Variants in ZNF385D observed in about 807,000 individuals in gnomAD.
The protein encoded by ZNF385D is zinc finger protein 385D.
In ZNF385D, 15 loss-of-function variants were observed where a neutral mutation model predicts 35.8. That is an observed-to-expected ratio of 0.42 (90% CI 0.28 to 0.64). ZNF385D has a LOEUF of 0.64. Ranked by LOEUF, ZNF385D falls within the 30% of genes least tolerant of loss-of-function variation. The probability of loss-of-function intolerance (pLI) is 0.23; values close to 1 mark genes in which losing one functional copy is unlikely to be tolerated. For missense variants in ZNF385D, 474 were observed against 494.6 expected (o/e 0.96, Z 0.39); for synonymous variants, 212 against 186.8 (o/e 1.13, Z -1.10).
intron 3 of ZNF385D, among the ~76,000 whole-genome samples, chr3:21,916,219 G>A (rs1168960045): frequency 2.0e-5 from 3 of 152,202 alleles, no homozygotes; most frequent in African/African-American, 7.2e-5. Flanking sequence ...AAAATAAAGA[G>A]AAAATTGGAA....
At chr3:21,431,415 A>G (rs1011477638) in intron 5 of ZNF385D, among the ~76,000 whole-genome samples, 2 of 152,154 alleles carry the variant, frequency 1.3e-5, no homozygotes, top group African/African-American at 4.8e-5. Context: ...CAGCTCTAGT[A>G]CCTAGAAACT....
intron 2 of ZNF385D, among the ~76,000 whole-genome samples, chr3:22,354,634 C>A (rs1003581379): frequency 8.6e-5 from 13 of 151,916 alleles, no homozygotes; most frequent in Non-Finnish European, 1.8e-4. Context: ...AATGGTATAA[C>A]AATATCCATC....
chr3:22,228,489 A>G (rs1225806654), intron 2 of ZNF385D, among the ~76,000 whole-genome samples: 2 of 152,042 alleles, frequency 1.3e-5, no homozygotes, highest in African/African-American at 4.8e-5. Flanking sequence ...ATAAGTGTCC[A>G]CTCTGCCACT....
rs77391013 is a variant in ZNF385D at position 22,167,484 on chromosome 3, C to T, written c.325+1333G>A. Among the ~76,000 whole-genome samples, 857 of 152,282 alleles carry T rather than the reference C, an allele frequency of 5.6e-3. 14 individuals are homozygous for T. Among genetic ancestry groups the T allele is most frequent in the African/African-American group, 0.019 (800 of 41,554 alleles). On this transcript the variant is annotated intron_variant, in intron 3 of 5. Coordinates refer to the ZNF385D transcript ENST00000494108. ...ATTATTCTCTACCCTTCTCACTCTT[C>T]GTTTGTCAGCATATCCTCATTCTTC...
intron 3 of ZNF385D, among the ~76,000 whole-genome samples, chr3:21,982,711 A>G (rs944607768): frequency 5.9e-5 from 9 of 152,030 alleles, no homozygotes; most frequent in African/African-American, 2.2e-4. Flanking sequence ...TATAACATTG[A>G]CTGTGGATTT....
At chr3:21,855,020 T>G (rs890646227) in intron 3 of ZNF385D, among the ~76,000 whole-genome samples, 12 of 151,876 alleles carry the variant, frequency 7.9e-5, no homozygotes, top group Non-Finnish European at 1.6e-4. Context: ...TACAACATGA[T>G]TTTTACCCAT....
At chr3:22,005,976 C>T (rs555848995) in intron 3 of ZNF385D, among the ~76,000 whole-genome samples, 11 of 151,650 alleles carry the variant, frequency 7.3e-5, no homozygotes, top group Admixed American at 2.6e-4. Flanking sequence ...TTCCCTCTTT[C>T]TCTCTCTCTC....
chr3:21,747,611 G>A (rs2069840554), intron 1 of ZNF385D, among the ~76,000 whole-genome samples: 1 of 152,208 alleles, frequency 6.6e-6, no homozygotes, highest in Non-Finnish European at 1.5e-5. Flanking sequence ...GAAATGGGGA[G>A]ACAATTCAAA....
intron 3 of ZNF385D, among the ~76,000 whole-genome samples, chr3:21,789,263 T>G (rs1047983002): frequency 6.6e-6 from 1 of 152,162 alleles, no homozygotes; most frequent in Non-Finnish European, 1.5e-5. Flanking sequence ...ATTTAGAAAT[T>G]TGAGATATAC....
chr3:21,592,765 C>G (rs1316494783), intron 2 of ZNF385D, among the ~76,000 whole-genome samples: 1 of 152,112 alleles, frequency 6.6e-6, no homozygotes, highest in Non-Finnish European at 1.5e-5. Flanking sequence ...AAAACCTATT[C>G]CATTTTCTTC....
chr3:21,590,299 T>C (rs2063934978), intron 2 of ZNF385D, among the ~76,000 whole-genome samples: 2 of 152,162 alleles, frequency 1.3e-5, no homozygotes, highest in Admixed American at 1.3e-4. Context: ...ACTTTTTTTA[T>C]TGTGATTACT....
chr3:21,523,332 A>G (rs1455712805), intron 3 of ZNF385D, among the ~76,000 whole-genome samples: 1 of 152,168 alleles, frequency 6.6e-6, no homozygotes, highest in Admixed American at 6.5e-5. Flanking sequence ...TTGTAGCCCC[A>G]CTTCTCAACC....
chr3:22,372,326 C>T (rs1696948299), intron 2 of ZNF385D: 1 of 492,370 alleles, frequency 2.0e-6, no homozygotes, highest in Non-Finnish European at 2.6e-6. Flanking sequence ...CATTCCGCGC[C>T]CCCCATGCGA....
At chr3:21,900,426 T>C (rs1171083476) in intron 3 of ZNF385D, among the ~76,000 whole-genome samples, 2 of 152,184 alleles carry the variant, frequency 1.3e-5, no homozygotes, top group African/African-American at 4.8e-5. Context: ...TATAATAATG[T>C]TGTTATTGAT....
At chr3:22,031,538 G>T (rs980826799) in intron 3 of ZNF385D, among the ~76,000 whole-genome samples, 7 of 152,150 alleles carry the variant, frequency 4.6e-5, no homozygotes, top group African/African-American at 1.7e-4. Context: ...GAGTTGGAGC[G>T]GCTGAGATGC....
chr3:21,975,378 G>C (rs760035134), intron 3 of ZNF385D, among the ~76,000 whole-genome samples: 1 of 152,124 alleles, frequency 6.6e-6, no homozygotes, highest in Non-Finnish European at 1.5e-5. Flanking sequence ...CATGGAGAGA[G>C]AGAGTAAAAT....
chr3:21,989,334 A>C (rs1695016658), intron 3 of ZNF385D, among the ~76,000 whole-genome samples: 1 of 152,080 alleles, frequency 6.6e-6, no homozygotes, highest in Admixed American at 6.6e-5. Context: ...GTCTCCTAGG[A>C]TGCATTTCTG....
At chr3:22,283,146 T>C (rs1434418786) in intron 2 of ZNF385D, among the ~76,000 whole-genome samples, 1 of 152,044 alleles carries the variant, frequency 6.6e-6, no homozygotes, top group Admixed American at 6.6e-5. Context: ...CAATCCTAAA[T>C]ATATATGCAC....
At chr3:22,372,332 T>A (rs1201405105) in intron 2 of ZNF385D, 1 of 580,882 alleles carries the variant, frequency 1.7e-6, no homozygotes, top group African/African-American at 2.0e-5. Context: ...GCGCCCCCCA[T>A]GCGAGCCCCA....
Sources: gnomAD v4.1 joint callset for allele counts (sites outside exome capture counted in the v4.1 genomes callset) on GRCh38, gnomAD v4.1.1 for gene constraint, MANE v1.5 for transcripts, NCBI Gene and HGNC (gene_info 2026-07-23, HGNC 2026-07-21) for gene names.